The following SLC25A36 variants were observed in gnomAD, a reference collection of about 807,000 sequenced individuals.
SLC25A36 encodes epididymis secretory sperm binding protein.
SLC25A36 carries 24 observed loss-of-function variants against 35.3 expected under a neutral mutation model. The ratio of observed to expected loss-of-function variants is 0.68; its 90% CI spans 0.49 to 0.96. The LOEUF (loss-of-function observed/expected upper bound fraction) is 0.96, where lower values mean the gene tolerates loss of function less well. Among genes scored for constraint, SLC25A36 ranks in the 40% least tolerant of loss-of-function variants. The pLI, the probability that SLC25A36 is intolerant of heterozygous loss-of-function variation, is 0.00. For synonymous variants in SLC25A36, 141 were observed against 132.2 expected, an observed-to-expected ratio of 1.07 and a Z score of -0.46; for missense variants, 294 against 381.1, an observed-to-expected ratio of 0.77 and a Z score of 1.90.
intron 4 of SLC25A36, chr3:140,965,213 A>G (rs1295525203): frequency 6.6e-6 from 1 of 151,872 alleles, no homozygotes; most frequent in Non-Finnish European, 1.5e-5. Context: ...GGTCCAATGC[A>G]GACTCATTAA....
chr3:140,949,518 T>G (rs1934262596), intron 1 of SLC25A36, among the ~76,000 whole-genome samples: 1 of 152,224 alleles, frequency 6.6e-6, no homozygotes, highest in Admixed American at 6.5e-5. Flanking sequence ...ATCTTGGCCT[T>G]CTCGTATCTT....
chr3:140,953,410 A>C (rs1303092779), intron 1 of SLC25A36, among the ~76,000 whole-genome samples: 1 of 151,014 alleles, frequency 6.6e-6, no homozygotes, highest in East Asian at 2.0e-4. Context: ...GGGGGGGTTA[A>C]ATTTTTTCAA....
intron 4 of SLC25A36, 32 bp downstream of exon 4, chr3:140,963,259 ACTTTCTG>A: frequency 6.1e-6 from 8 of 1,308,408 alleles, no homozygotes; most frequent in Non-Finnish European, 8.4e-6. Context: ...AAAAAAAAAA[ACTTTCTG>A]AAACCTAGAG....
chr3:140,954,548 G>T (rs1934425933), intron 1 of SLC25A36, among the ~76,000 whole-genome samples: 1 of 152,198 alleles, frequency 6.6e-6, no homozygotes. Flanking sequence ...CTGTTTGTTG[G>T]TCAGTCTTTT....
intron 1 of SLC25A36, among the ~76,000 whole-genome samples, chr3:140,950,183 C>G (rs1052972453): frequency 2.6e-5 from 4 of 152,136 alleles, no homozygotes; most frequent in African/African-American, 9.7e-5. Context: ...TTGTTCACTG[C>G]AGAGCTAAGT....
chr3:140,956,506 C>CTTTTTTTT (rs75174363), intron 1 of SLC25A36, 21 bp from the exon 2 acceptor site: 1 of 1,147,872 alleles, frequency 8.7e-7, no homozygotes. Flanking sequence ...AAGCTGTGTT[C>CTTTTTTTT]TTTTTTTTTT....
rs537389447 is a variant in SLC25A36, at chr3:140,962,589, A to G, written c.285-538A>G. Among the ~76,000 whole-genome samples the G allele has an allele frequency of 2.0e-5, 3 of 152,264 alleles. No individual in the cohort carries two copies. The South Asian group carries it at 6.2e-4, about 32-fold the overall frequency. On this transcript the variant is annotated intron_variant, in intron 3 of 6. Transcript: ENST00000324194. ...TTAGAATATACCACAGTATCTTAAAATTGTTTAGCATATACTTTAATCAGT... is the reference window on the plus strand; with the variant it reads ...TTAGAATATACCACAGTATCTTAAAGTTGTTTAGCATATACTTTAATCAGT...
At chr3:140,950,989 G>A (rs942551684) in intron 1 of SLC25A36, among the ~76,000 whole-genome samples, 2 of 151,918 alleles carry the variant, frequency 1.3e-5, no homozygotes, top group African/African-American at 4.8e-5. Context: ...TACAGACTGT[G>A]ACAGCAGCCA....
chr3:140,975,509 A>G (rs1418513347), intron 6 of SLC25A36, among the ~76,000 whole-genome samples: 1 of 152,118 alleles, frequency 6.6e-6, no homozygotes, highest in Non-Finnish European at 1.5e-5. Flanking sequence ...CTATTTCCCT[A>G]GGCCCATCTG....
At chr3:140,976,132 A>T in intron 6 of SLC25A36, 128 bp from the exon 7 acceptor site, 1 of 617,862 alleles carries the variant, frequency 1.6e-6, no homozygotes, top group Non-Finnish European at 2.7e-6. Context: ...TCAATAAGCT[A>T]CACATTAGAA....
In SLC25A36 at chr3:140,979,500, A is replaced by G. The variant is rs1160652418; in HGVS notation, c.*3047A>G. 3 of 152,130 alleles carry G rather than the reference A, an allele frequency of 2.0e-5. No individual in the cohort carries two copies. Among genetic ancestry groups the G allele is most frequent in the African/African-American group, 7.2e-5 (3 of 41,434 alleles). The allele number at this position is 152,130 out of a possible 1,614,324, so 9.4% of individuals were successfully genotyped here. A position where few individuals can be genotyped will look rare whatever the true frequency, so the allele number is the denominator to read the frequency against. On this transcript the variant is annotated 3_prime_UTR_variant, in exon 7 of 7. Transcript: ENST00000324194. ...GTACAGTTCAGCCTTTTCTCCTCAA[A>G]TATATAATGACTTTAACATTCCTAA...
intron 1 of SLC25A36, among the ~76,000 whole-genome samples, chr3:140,954,647 G>T (rs1934428453): frequency 6.6e-6 from 1 of 152,162 alleles, no homozygotes; most frequent in African/African-American, 2.4e-5. Flanking sequence ...GCAGAATTCT[G>T]TGTGTTTATT....
chr3:140,966,725 G>A (rs1934770038), intron 4 of SLC25A36: 3 of 353,118 alleles, frequency 8.5e-6, no homozygotes, highest in Non-Finnish European at 1.7e-5. Context: ...TGAAACTGCT[G>A]CAGATGGCAG....
chr3:140,958,810 G>A (rs926087100), intron 2 of SLC25A36, among the ~76,000 whole-genome samples: 1 of 151,940 alleles, frequency 6.6e-6, no homozygotes, highest in African/African-American at 2.4e-5. Flanking sequence ...TCGAAGATAA[G>A]AGTAGCATGA....
At chr3:140,943,964 C>G (rs189915362) in intron 1 of SLC25A36, among the ~76,000 whole-genome samples, 6 of 142,040 alleles carry the variant, frequency 4.2e-5, no homozygotes, top group East Asian at 2.0e-4. Context: ...CCCTCCCCCC[C>G]AGTCTAGCAT....
intron 4 of SLC25A36, chr3:140,970,723 T>C (rs1300325070): frequency 2.6e-6 from 1 of 387,194 alleles, no homozygotes; most frequent in African/African-American, 2.1e-5. Context: ...AAGAATCTGT[T>C]AGTTAAGGAC....
chr3:140,955,224 G>A (rs1934447818), intron 1 of SLC25A36, among the ~76,000 whole-genome samples: 1 of 151,780 alleles, frequency 6.6e-6, no homozygotes, highest in Non-Finnish European at 1.5e-5. Context: ...TATTAACATT[G>A]CCATGCCTGC....
In SLC25A36 at chr3:140,978,259, T is replaced by C. The variant is rs1229519434; in HGVS notation, c.*1806T>C. 6.6e-6 allele frequency: 1 copy of C among 152,164 alleles called. No individual in the cohort carries two copies. The highest frequency in any genetic ancestry group is 2.1e-4 in the South Asian group (1 of 4,826). 9.4% of individuals were successfully genotyped at this position (152,164 alleles called of 1,614,324 possible). A position where few individuals can be genotyped will look rare whatever the true frequency, so the allele number is the denominator to read the frequency against. On this transcript the variant is annotated 3_prime_UTR_variant, in exon 7 of 7. Transcript: ENST00000324194. The stretch of plus-strand genomic sequence containing the variant: ...AAAGGCAAAATCAGTTTTCTTACCT[T>C]TGGAATTATTCGTACCTTTTATGGT...
intron 1 of SLC25A36, among the ~76,000 whole-genome samples, chr3:140,943,244 A>G (rs1934067726): frequency 1.3e-5 from 2 of 152,212 alleles, no homozygotes; most frequent in South Asian, 2.1e-4. Flanking sequence ...TCGACTTTTA[A>G]GAATATGAAA....
Sources: gnomAD v4.1 joint callset for allele counts (sites outside exome capture counted in the v4.1 genomes callset) on GRCh38, gnomAD v4.1.1 for gene constraint, MANE v1.5 for transcripts, NCBI Gene and HGNC (gene_info 2026-07-23, HGNC 2026-07-21) for gene names.